Variants in ZNF138 observed in about 807,000 individuals in gnomAD.
ZNF138 encodes the protein zinc finger protein 138 (clone pHZ-32).
A neutral mutation model predicts 33.0 loss-of-function variants in ZNF138; 33 were observed. The ratio of observed to expected loss-of-function variants is 1.00; its 90% CI spans 0.76 to 1.34. ZNF138 has a LOEUF of 1.34. Among genes scored for constraint, ZNF138 ranks in the 40% most tolerant of loss-of-function variants. ZNF138 has a pLI of 0.00. For missense variants in ZNF138, 360 were observed against 370.8 expected (o/e 0.97, Z 0.24); for synonymous variants, 139 against 120.4 (o/e 1.15, Z -1.01).
chr7:64,806,857 G>T (rs561999826), intron 1 of ZNF138, among the ~76,000 whole-genome samples: 8 of 152,328 alleles, frequency 5.3e-5, no homozygotes, highest in African/African-American at 1.9e-4. Context: ...CCACTCTGTT[G>T]TTGGGAACAG....
At chr7:64,846,714 A>T in the ZNF138 span, among the ~76,000 whole-genome samples, 3 of 152,192 alleles carry the variant, frequency 2.0e-5, no homozygotes, top group Admixed American at 1.3e-4. Context: ...AAAAAAATAC[A>T]GTTTGAGCTC....
At chr7:64,817,914 T>C (rs1239995572) in intron 3 of ZNF138, among the ~76,000 whole-genome samples, 3 of 152,030 alleles carry the variant, frequency 2.0e-5, no homozygotes, top group African/African-American at 7.2e-5. Flanking sequence ...TTAAGTTTGC[T>C]GTAGGTAAAG....
intron 2 of ZNF138, 35 bp downstream of exon 2, chr7:64,815,079 T>A (rs748824180): frequency 4.0e-6 from 6 of 1,493,378 alleles, no homozygotes; most frequent in Non-Finnish European, 5.3e-6. Context: ...TCCTAATATA[T>A]CCTAAAGGTT....
intron 1 of ZNF138, among the ~76,000 whole-genome samples, chr7:64,807,460 T>C (rs997999863): frequency 6.6e-6 from 1 of 152,248 alleles, no homozygotes; most frequent in Non-Finnish European, 1.5e-5. Context: ...CTTATATTCA[T>C]GTTGCCTCAG....
intron 1 of ZNF138, among the ~76,000 whole-genome samples, chr7:64,799,753 C>T (rs773064589): frequency 1.3e-5 from 2 of 152,182 alleles, no homozygotes. Flanking sequence ...AAACGATTCT[C>T]CTGCCTTAGC....
chr7:64,819,169 T>A (rs1221092236), intron 3 of ZNF138, among the ~76,000 whole-genome samples: 1 of 152,150 alleles, frequency 6.6e-6, no homozygotes, highest in Admixed American at 6.6e-5. Context: ...TATGTATGTG[T>A]TTTATTTACA....
At chr7:64,824,707 C>T (rs1029863824) in intron 3 of ZNF138, among the ~76,000 whole-genome samples, 2 of 152,058 alleles carry the variant, frequency 1.3e-5, no homozygotes, top group Admixed American at 6.6e-5. Context: ...TTTAGTATTA[C>T]ATAATATCAG....
At chr7:64,803,971 CA>C (rs1417973362) in intron 1 of ZNF138, among the ~76,000 whole-genome samples, 1 of 152,072 alleles carries the variant, frequency 6.6e-6, no homozygotes, top group African/African-American at 2.4e-5. Flanking sequence ...TGTGGCCACC[CA>C]AAAACCGTAA....
chr7:64,817,367 G>C (rs1788732011), intron 3 of ZNF138, among the ~76,000 whole-genome samples: 1 of 152,196 alleles, frequency 6.6e-6, no homozygotes, highest in Admixed American at 6.5e-5. Flanking sequence ...GGACCAAGTT[G>C]GGTGGGCCAT....
chr7:64,809,566 A>G (rs1236403190), intron 1 of ZNF138, among the ~76,000 whole-genome samples: 5 of 117,788 alleles, frequency 4.2e-5, no homozygotes, highest in African/African-American at 1.0e-4. Flanking sequence ...CCTCCCTCCC[A>G]GATGGGGCGG....
intron 3 of ZNF138, among the ~76,000 whole-genome samples, chr7:64,823,955 A>T (rs922161421): frequency 6.6e-6 from 1 of 152,130 alleles, no homozygotes; most frequent in African/African-American, 2.4e-5. Flanking sequence ...TAAATAAATA[A>T]ATTTAATACG....
intron 1 of ZNF138, among the ~76,000 whole-genome samples, chr7:64,808,999 C>T (rs1159728461): frequency 2.0e-4 from 27 of 132,910 alleles, no homozygotes; most frequent in East Asian, 1.8e-3. Context: ...TACACAGACA[C>T]GGCAACCATC....
At chr7:64,826,918 G>A (rs1173720880) in intron 3 of ZNF138, among the ~76,000 whole-genome samples, 1 of 152,098 alleles carries the variant, frequency 6.6e-6, no homozygotes, top group African/African-American at 2.4e-5. Flanking sequence ...CCAAAGTGCT[G>A]GGATTACAGG....
intron 3 of ZNF138, among the ~76,000 whole-genome samples, chr7:64,826,045 C>T (rs1789585787): frequency 6.6e-6 from 1 of 151,868 alleles, no homozygotes; most frequent in South Asian, 2.1e-4. Flanking sequence ...CCATGTTACC[C>T]AGGCTTGTCT....
intron 3 of ZNF138, among the ~76,000 whole-genome samples, chr7:64,825,586 C>T (rs1789540109): frequency 6.7e-6 from 1 of 148,918 alleles, no homozygotes; most frequent in Non-Finnish European, 1.5e-5. Context: ...TGTCGCCAAG[C>T]TGGAGTGCAG....
At chr7:64,794,691 G>A in intron 1 of ZNF138, 120 bp downstream of exon 1, 1 of 1,467,554 alleles carries the variant, frequency 6.8e-7, no homozygotes, top group East Asian at 2.3e-5. Context: ...GCGGCCCCGA[G>A]TTCTTGGCAC....
rs766915880 is a variant in ZNF138 at position 64,815,626 on chromosome 7, C to A, written c.181C>A (p.His61Asn). ...AAAAGAGCCCTGGAATATGAAGAGA[C>A]ATGAGATGGTGGTAGCCAAACATTC... The part of the protein sequence containing the change: ...QGKEPWNMKR[H>N]EMVVAKHSAL... Residue 61 changes from histidine to asparagine, a missense_variant, in exon 3 of 4, where the codon CAT becomes AAT. His to Asn is a moderately conservative substitution (Grantham distance 68, BLOSUM62 1). Transcript: ENST00000307355. The A allele has an allele frequency of 6.2e-7, 1 of 1,612,410 alleles. No individual in the cohort carries two copies. The highest frequency in any genetic ancestry group is 8.5e-7 in the Non-Finnish European group (1 of 1,179,184).
In ZNF138 at chr7:64,813,670, G is replaced by A. The variant is rs529791828; in HGVS notation, c.4-1248G>A. ...AGGATGGTGTCGATCTCCTGACCTC[G>A]TGATCCGCCTGCCTCGGCCTCCCAA... is the stretch of plus-strand genomic sequence containing the variant. On this transcript the variant is annotated intron_variant, in intron 1 of 3. Coordinates refer to ENST00000307355, the MANE Select transcript of ZNF138 (RefSeq NM_001271639.2). 1.3e-3 allele frequency among the ~76,000 whole-genome samples: 194 copies of A among 152,078 alleles called. 1 individual carries two copies. Among genetic ancestry groups the A allele is most frequent in the African/African-American group, 3.9e-3 (162 of 41,504 alleles).
the ZNF138 span, among the ~76,000 whole-genome samples, chr7:64,844,045 A>G: frequency 6.6e-6 from 1 of 152,138 alleles, no homozygotes; most frequent in African/African-American, 2.4e-5. Context: ...GCTGGTCTCA[A>G]ATCTCTTGAC....
Sources: gnomAD v4.1 joint callset for allele counts (sites outside exome capture counted in the v4.1 genomes callset) on GRCh38, gnomAD v4.1.1 for gene constraint, MANE v1.5 for transcripts, NCBI Gene and HGNC (gene_info 2026-07-23, HGNC 2026-07-21) for gene names.